FGD1: variants seen among roughly 807,000 people sequenced by gnomAD.
FGD1 encodes FYVE, RhoGEF and PH domain-containing protein 1.
A neutral mutation model predicts 65.0 loss-of-function variants in FGD1; 12 were observed. The ratio of observed to expected loss-of-function variants is 0.18; its 90% CI spans 0.12 to 0.30. The LOEUF (loss-of-function observed/expected upper bound fraction) is 0.30, where lower values mean the gene tolerates loss of function less well. Ranked by LOEUF, FGD1 falls within the 10% of genes least tolerant of loss-of-function variation. The probability of loss-of-function intolerance (pLI) is 1.00; values close to 1 mark genes in which losing one functional copy is unlikely to be tolerated. For synonymous variants in FGD1, 333 were observed against 343.9 expected, an observed-to-expected ratio of 0.97 and a Z score of 0.35; for missense variants, 542 against 837.6, an observed-to-expected ratio of 0.65 and a Z score of 4.36.
At chrX:54,482,236 G>GCGCACA (rs796491256) in intron 1 of FGD1, among the ~76,000 whole-genome samples, 2,334 of 99,356 alleles carry the variant, frequency 0.023, 71 homozygotes, top group African/African-American at 0.086. Context: ...GCACACGCGC[G>GCGCACA]CACACACACA....
chrX:54,474,910 C>G (rs985536544), intron 1 of FGD1, among the ~76,000 whole-genome samples: 1 of 112,597 alleles, frequency 8.9e-6, no homozygotes, highest in Admixed American at 9.3e-5. Flanking sequence ...AGGAGCCCAC[C>G]TATCTCCACA....
chrX:54,457,958 A>G (rs183245030), intron 8 of FGD1, among the ~76,000 whole-genome samples: 222 of 112,197 alleles, frequency 2.0e-3, no homozygotes, highest in African/African-American at 6.3e-3. Flanking sequence ...AGCCTGTGCT[A>G]GAGGAGCAGA....
chrX:54,450,405 G>A, intron 12 of FGD1, 104 bp from the exon 13 acceptor site: 1 of 761,026 alleles, frequency 1.3e-6, no homozygotes, highest in Non-Finnish European at 2.0e-6. Context: ...ACCTGGGCTT[G>A]ACCCTCTTCT....
At chrX:54,485,227 C>T (rs1680195576) in intron 1 of FGD1, among the ~76,000 whole-genome samples, 1 of 111,196 alleles carries the variant, frequency 9.0e-6, no homozygotes, top group Non-Finnish European at 1.9e-5. Context: ...TACTTCTCTC[C>T]AAAACTCCCC....
intron 6 of FGD1, among the ~76,000 whole-genome samples, 190 bp from the exon 7 acceptor site, chrX:54,466,042 A>G (rs1037127218): frequency 6.6e-4 from 74 of 112,091 alleles, no homozygotes; most frequent in African/African-American, 2.3e-3. Flanking sequence ...GCTTGACTTC[A>G]GACCACAGCC....
Position 54,446,019 on chromosome X carries a change from G to C in FGD1, c.*90C>G. 2.9e-6 allele frequency: 2 copies of C among 696,185 alleles called. No homozygotes were observed. The highest frequency in any genetic ancestry group is 4.8e-4 in the Middle Eastern group (1 of 2,105). The allele number at this position is 696,185 out of a possible 1,213,427, so 57.4% of individuals were successfully genotyped here. A position where few individuals can be genotyped will look rare whatever the true frequency, so the allele number is the denominator to read the frequency against. ...TGCCCGTGATGGGAGTTCAAGTATT[G>C]ACTGAGCTGGGAGGGAAGGGGCTAG... On this transcript the variant is annotated 3_prime_UTR_variant, in exon 18 of 18. Transcript: ENST00000375135.
At chrX:54,452,266 C>CAAAAAA (rs776104292) in intron 12 of FGD1, among the ~76,000 whole-genome samples, 7 of 28,807 alleles carry the variant, frequency 2.4e-4, no homozygotes, top group South Asian at 2.3e-3. Context: ...GACCCTATCT[C>CAAAAAA]AAAAAAAAAA....
Position 54,448,911 on chromosome X carries a change from G to C in FGD1, c.2331C>G (p.Arg777=). 8.3e-7 allele frequency: 1 copy of C among 1,211,847 alleles called. No individual in the cohort carries two copies. ...FRARLVYDNN[R]SNRVCTDCYV... ...AGCAATCAGTGCACACACGGTTGGA[G>C]CGGTTGTTGTCATAGACGAGGCGGG... The change falls in exon 16 of 18, where the codon CGC becomes CGG. Residue 777 remains arginine, a synonymous_variant. Transcript: ENST00000375135.
chrX:54,445,996 C>T lies in FGD1; in HGVS notation c.*113G>A, dbSNP rs1922147848. On this transcript the variant is annotated 3_prime_UTR_variant, in exon 18 of 18. Coordinates refer to ENST00000375135, the MANE Select transcript of FGD1 (RefSeq NM_004463.3). ...GACCCAGCATTCGGGATTGAAAGTG[C>T]CCGTGATGGGAGTTCAAGTATTGAC... is the stretch of plus-strand genomic sequence containing the variant. The T allele has an allele frequency of 3.7e-6, 2 of 543,212 alleles. No homozygotes were observed. The highest frequency in any genetic ancestry group is 6.8e-5 in the South Asian group (2 of 29,563). 44.8% of individuals were successfully genotyped at this position (543,212 alleles called of 1,213,427 possible).
intron 1 of FGD1, among the ~76,000 whole-genome samples, chrX:54,486,351 T>C (rs1474044805): frequency 1.8e-5 from 2 of 109,939 alleles, no homozygotes; most frequent in African/African-American, 6.6e-5. Context: ...CGGGTTCAAG[T>C]GATTCTCCTG....
intron 8 of FGD1, among the ~76,000 whole-genome samples, chrX:54,461,686 C>T (rs1922641145): frequency 9.6e-6 from 1 of 104,294 alleles, no homozygotes. Flanking sequence ...GGGGAGAACA[C>T]AATCTGGAAT....
chrX:54,461,956 G>A (rs933182334), intron 8 of FGD1, among the ~76,000 whole-genome samples: 5 of 111,404 alleles, frequency 4.5e-5, no homozygotes, highest in Admixed American at 3.8e-4. Flanking sequence ...ACCTCAAGCT[G>A]AAGGCTCTCA....
At position 54,446,076 on chromosome X, in the gene FGD1, T is replaced by G. The variant is rs1350472653; in HGVS notation, c.*33A>C. Reference sequence around the variant, plus strand: ...CAATCAGACATGGGCAACTAGAGTGTGGGGTGGGGGCTCCCAGTTTGTCCC... The same window carrying G: ...CAATCAGACATGGGCAACTAGAGTGGGGGGTGGGGGCTCCCAGTTTGTCCC... On this transcript the variant is annotated 3_prime_UTR_variant, in exon 18 of 18. Coordinates refer to ENST00000375135, the MANE Select transcript of FGD1 (RefSeq NM_004463.3). The G allele has an allele frequency of 8.9e-7, 1 of 1,129,023 alleles. No individual in the cohort carries two copies. Among genetic ancestry groups the G allele is most frequent in the Non-Finnish European group, 1.2e-6 (1 of 831,426 alleles). 93.0% of individuals were successfully genotyped at this position (1,129,023 alleles called of 1,213,427 possible).
chrX:54,465,961 C>A (rs1922749922), intron 6 of FGD1, 109 bp from the exon 7 acceptor site: 1 of 903,079 alleles, frequency 1.1e-6, no homozygotes, highest in South Asian at 2.1e-5. Flanking sequence ...GTCCTAGAAA[C>A]CTACTTCTCA....
At chrX:54,478,625 T>C (rs986565169) in intron 1 of FGD1, among the ~76,000 whole-genome samples, 1 of 110,805 alleles carries the variant, frequency 9.0e-6, no homozygotes, top group Non-Finnish European at 1.9e-5. Flanking sequence ...AGTTTCTTTA[T>C]CTGGAAAGAA....
chrX:54,450,405 G>T, intron 12 of FGD1, 104 bp from the exon 13 acceptor site: 1 of 761,021 alleles, frequency 1.3e-6, no homozygotes, highest in Non-Finnish European at 2.0e-6. Flanking sequence ...ACCTGGGCTT[G>T]ACCCTCTTCT....
rs1318030799 is a variant in FGD1 at position 54,455,798 on chromosome X, A to T, written c.1843-14T>A. 1 of 1,156,861 alleles carries T rather than the reference A, an allele frequency of 8.6e-7. No individual in the cohort carries two copies. ...GCGGTCGTTGAACTAGGAAGGAAAA[A>T]GTTTGGGATGTATGTGCAGAGGGCC... On this transcript the variant is annotated splice_polypyrimidine_tract_variant and intron_variant, in intron 10 of 17. Transcript: ENST00000375135.
At chrX:54,463,758 T>C (rs935459472) in intron 8 of FGD1, among the ~76,000 whole-genome samples, 3 of 111,286 alleles carry the variant, frequency 2.7e-5, no homozygotes, top group African/African-American at 9.8e-5. Flanking sequence ...TTGGACCCTA[T>C]ACTTGCTGTG....
intron 1 of FGD1, among the ~76,000 whole-genome samples, chrX:54,482,232 G>A (rs753286043): frequency 8.3e-5 from 6 of 72,154 alleles, no homozygotes; most frequent in Admixed American, 1.5e-4. Flanking sequence ...GCGCGCACAC[G>A]CGCGCACACA....
Sources: gnomAD v4.1 joint callset for allele counts (sites outside exome capture counted in the v4.1 genomes callset) on GRCh38, gnomAD v4.1.1 for gene constraint, MANE v1.5 for transcripts, NCBI Gene and HGNC (gene_info 2026-07-23, HGNC 2026-07-21) for gene names.